The following RBFOX1 variants were observed in gnomAD, a reference collection of about 807,000 sequenced individuals.
RBFOX1 encodes RNA binding protein fox-1 homolog 1.
In RBFOX1, 8 loss-of-function variants were observed where a neutral mutation model predicts 57.7. That is an observed-to-expected ratio of 0.14 (90% CI 0.08 to 0.25). The LOEUF (loss-of-function observed/expected upper bound fraction) is 0.25, where lower values mean the gene tolerates loss of function less well. Among genes scored for constraint, RBFOX1 ranks in the 10% least tolerant of loss-of-function variants. The probability of loss-of-function intolerance (pLI) is 1.00; values close to 1 mark genes in which losing one functional copy is unlikely to be tolerated. For missense variants in RBFOX1, 611 were observed against 548.5 expected, an observed-to-expected ratio of 1.11 and a Z score of -1.14; for synonymous variants, 326 against 222.4, an observed-to-expected ratio of 1.47 and a Z score of -4.15.
chr16:7,380,532 A>G (rs999231622), intron 4 of RBFOX1, among the ~76,000 whole-genome samples: 1 of 152,226 alleles, frequency 6.6e-6, no homozygotes, highest in African/African-American at 2.4e-5. Context: ...ACTGTAATTT[A>G]AACAACCAGT....
At chr16:5,595,054 G>C (rs930457347) in intron 2 of RBFOX1, among the ~76,000 whole-genome samples, 12 of 151,924 alleles carry the variant, frequency 7.9e-5, no homozygotes, top group African/African-American at 2.4e-4. Context: ...GCTGAGGCAG[G>C]AGAATTGTTT....
chr16:6,716,877 C>G (rs2064936746), intron 3 of RBFOX1, among the ~76,000 whole-genome samples: 1 of 152,102 alleles, frequency 6.6e-6, no homozygotes, highest in African/African-American at 2.4e-5. Context: ...CTTCCAAAAT[C>G]CATACATGGA....
chr16:7,639,817 A>G (rs751008866), intron 11 of RBFOX1, among the ~76,000 whole-genome samples: 93 of 152,260 alleles, frequency 6.1e-4, no homozygotes, highest in Non-Finnish European at 1.1e-3. Flanking sequence ...CCATGGATTG[A>G]GGTGTTTTCA....
chr16:5,988,918 A>G (rs1367463306), intron 4 of RBFOX1, among the ~76,000 whole-genome samples: 1 of 152,094 alleles, frequency 6.6e-6, no homozygotes, highest in Non-Finnish European at 1.5e-5. Context: ...CTGGCTTTAG[A>G]TGGGCATGCT....
intron 4 of RBFOX1, among the ~76,000 whole-genome samples, chr16:5,885,716 C>T (rs2057881563): frequency 6.6e-6 from 1 of 152,152 alleles, no homozygotes; most frequent in Non-Finnish European, 1.5e-5. Flanking sequence ...GTTCTGCTTT[C>T]TCATCGAGTT....
intron 4 of RBFOX1, among the ~76,000 whole-genome samples, chr16:7,375,342 T>C (rs773832253): frequency 6.6e-6 from 1 of 152,204 alleles, no homozygotes; most frequent in African/African-American, 2.4e-5. Flanking sequence ...TTTTTGCTTC[T>C]GATAATTATA....
intron 3 of RBFOX1, among the ~76,000 whole-genome samples, chr16:5,819,118 G>A (rs1017773032): frequency 6.6e-6 from 1 of 152,136 alleles, no homozygotes; most frequent in East Asian, 1.9e-4. Context: ...CAGACTGGGT[G>A]GCTTATACAC....
chr16:7,411,610 C>T (rs114490645), intron 4 of RBFOX1, among the ~76,000 whole-genome samples: 1,886 of 152,206 alleles, frequency 0.012, 44 homozygotes, highest in African/African-American at 0.043. Context: ...TGATCAAAGA[C>T]GGGGAATGTC....
intron 11 of RBFOX1, among the ~76,000 whole-genome samples, chr16:7,649,582 A>G (rs1328108697): frequency 1.3e-5 from 2 of 152,116 alleles, no homozygotes; most frequent in Non-Finnish European, 2.9e-5. Context: ...AATTCTGAGC[A>G]GGTCACTTTG....
intron 3 of RBFOX1, among the ~76,000 whole-genome samples, chr16:6,810,002 C>T (rs2088029596): frequency 6.7e-6 from 1 of 149,352 alleles, no homozygotes; most frequent in Non-Finnish European, 1.5e-5. Flanking sequence ...GGGTGTCTCT[C>T]TGAAAAAATT....
intron 4 of RBFOX1, among the ~76,000 whole-genome samples, chr16:7,476,251 G>A (rs892666963): frequency 1.3e-5 from 2 of 152,172 alleles, no homozygotes; most frequent in African/African-American, 4.8e-5. Flanking sequence ...GAAATTACAG[G>A]CATGAGCCAT....
At chr16:7,465,842 T>G (rs774658463) in intron 4 of RBFOX1, among the ~76,000 whole-genome samples, 1 of 152,212 alleles carries the variant, frequency 6.6e-6, no homozygotes, top group Non-Finnish European at 1.5e-5. Flanking sequence ...CTGGAATAAC[T>G]GATGTCGAGT....
intron 3 of RBFOX1, among the ~76,000 whole-genome samples, chr16:6,974,555 G>C (rs1182570374): frequency 1.3e-5 from 2 of 151,790 alleles, no homozygotes; most frequent in African/African-American, 2.4e-5. Context: ...ATATTGGCCA[G>C]GCTGGTCTTG....
At chr16:6,375,655 C>T (rs140762573) in intron 2 of RBFOX1, among the ~76,000 whole-genome samples, 1 of 152,110 alleles carries the variant, frequency 6.6e-6, no homozygotes, top group African/African-American at 2.4e-5. Flanking sequence ...CCAGCCCAGC[C>T]TCTTCAGCAT....
chr16:7,191,005 T>C (rs1051288958), intron 4 of RBFOX1, among the ~76,000 whole-genome samples: 1 of 152,078 alleles, frequency 6.6e-6, no homozygotes, highest in Non-Finnish European at 1.5e-5. Flanking sequence ...AGTGTATGCC[T>C]GTCTCCCACC....
intron 10 of RBFOX1, among the ~76,000 whole-genome samples, chr16:7,626,701 T>A (rs553492804): frequency 6.7e-6 from 1 of 149,808 alleles, no homozygotes; most frequent in South Asian, 2.1e-4. Context: ...TATTTACATG[T>A]AGTGTGTAAA....
intron 10 of RBFOX1, among the ~76,000 whole-genome samples, chr16:7,623,556 G>A (rs1257070357): frequency 6.6e-6 from 1 of 152,164 alleles, no homozygotes; most frequent in South Asian, 2.1e-4. Flanking sequence ...AGGAGGTGGA[G>A]CTCAGGTGGT....
chr16:6,612,466 G>A (rs1601517282), intron 2 of RBFOX1, among the ~76,000 whole-genome samples: 1 of 152,146 alleles, frequency 6.6e-6, no homozygotes, highest in South Asian at 2.1e-4. Flanking sequence ...AGTTTCACGT[G>A]TACTTACAGC....
chr16:5,515,341 C>G (rs1221982769), intron 2 of RBFOX1, among the ~76,000 whole-genome samples: 1 of 152,338 alleles, frequency 6.6e-6, no homozygotes, highest in East Asian at 1.9e-4. Context: ...GCAAAGCCCC[C>G]ACCTCACTGT....
Sources: allele counts gnomAD v4.1 joint callset (sites outside exome capture counted in the v4.1 genomes callset), GRCh38; gene constraint gnomAD v4.1.1; transcripts MANE v1.5; gene names NCBI Gene and HGNC (gene_info 2026-07-23, HGNC 2026-07-21).